PKIG: variants seen among roughly 807,000 people sequenced by gnomAD.
PKIG encodes protein kinase (cAMP-dependent, catalytic) inhibitor gamma.
A neutral mutation model predicts 6.8 loss-of-function variants in PKIG; 1 was observed. The observed-to-expected ratio is 0.15, with a 90% CI of 0.05 to 0.69. PKIG has a LOEUF of 0.69. Among genes scored for constraint, PKIG ranks in the 30% least tolerant of loss-of-function variants. The pLI, the probability that PKIG is intolerant of heterozygous loss-of-function variation, is 0.82. For synonymous variants in PKIG, 39 were observed against 43.0 expected, an observed-to-expected ratio of 0.91 and a Z score of 0.36; for missense variants, 77 against 104.0, an observed-to-expected ratio of 0.74 and a Z score of 1.13.
intron 1 of PKIG, among the ~76,000 whole-genome samples, chr20:44,585,417 A>C (rs2064981952): frequency 6.6e-6 from 1 of 152,218 alleles, no homozygotes; most frequent in South Asian, 2.1e-4. Flanking sequence ...AATGTCACAC[A>C]CAGGGCTGGG....
At chr20:44,597,373 T>C (rs1172185833) in intron 2 of PKIG, among the ~76,000 whole-genome samples, 1 of 152,170 alleles carries the variant, frequency 6.6e-6, no homozygotes, top group African/African-American at 2.4e-5. Flanking sequence ...GCTTATGAAC[T>C]GAGCTCCCTA....
chr20:44,576,517 G>T (rs1279282303), intron 1 of PKIG, among the ~76,000 whole-genome samples: 1 of 152,128 alleles, frequency 6.6e-6, no homozygotes, highest in Non-Finnish European at 1.5e-5. Context: ...CTTCAAATTT[G>T]TATGTCAAAG....
Position 44,614,793 on chromosome 20 carries a change from A to G in PKIG, c.151+86A>G, listed in dbSNP as rs773127768. 7 of 1,387,434 alleles carry G rather than the reference A, an allele frequency of 5.0e-6. No individual in the cohort carries two copies. Among genetic ancestry groups the G allele is most frequent in the Non-Finnish European group, 4.0e-6 (4 of 1,007,452 alleles). The allele number at this position is 1,387,434 out of a possible 1,614,324, so 85.9% of individuals were successfully genotyped here. On this transcript the variant is annotated intron_variant, in intron 3 of 3. Coordinates refer to ENST00000372886, the MANE Select transcript of PKIG (RefSeq NM_001281445.2). The surrounding 1 kb of genome is among the most constrained non-coding windows in gnomAD (Gnocchi z 4.6). ...CTAGCCTCCAAGTCCTAGACTGCCC[A>G]TACTTTCTTAGAGAAGAAACCACAT...
At chr20:44,563,939 G>A (rs1207301107) in intron 1 of PKIG, among the ~76,000 whole-genome samples, 6 of 152,130 alleles carry the variant, frequency 3.9e-5, no homozygotes, top group Admixed American at 2.0e-4. Flanking sequence ...TTATTTTGCT[G>A]ATCATGCTTT....
chr20:44,538,664 C>T (rs1470142286), intron 1 of PKIG, among the ~76,000 whole-genome samples: 1 of 152,080 alleles, frequency 6.6e-6, no homozygotes, highest in Admixed American at 6.5e-5. Context: ...TTTTTTCCTC[C>T]TCCTTTCCCC....
intron 1 of PKIG, among the ~76,000 whole-genome samples, chr20:44,558,889 C>T (rs2064743173): frequency 6.6e-6 from 1 of 152,090 alleles, no homozygotes; most frequent in African/African-American, 2.4e-5. Context: ...GTAGCTGGGA[C>T]TATAAATGCG....
intron 1 of PKIG, among the ~76,000 whole-genome samples, chr20:44,570,307 T>G (rs2064843971): frequency 6.6e-6 from 1 of 152,220 alleles, no homozygotes; most frequent in South Asian, 2.1e-4. Context: ...TTTCCTATGA[T>G]AAGTTGTATG....
chr20:44,549,738 T>A (rs2064650812), intron 1 of PKIG, among the ~76,000 whole-genome samples: 1 of 152,150 alleles, frequency 6.6e-6, no homozygotes, highest in Admixed American at 6.5e-5. Context: ...GGTGCGAAGA[T>A]GGCTTGAGCC....
upstream of PKIG, among the ~76,000 whole-genome samples, chr20:44,580,415 G>A (rs1027881776): frequency 2.6e-5 from 4 of 151,580 alleles, no homozygotes; most frequent in Non-Finnish European, 4.4e-5. Context: ...GTGCAATCTC[G>A]GCTCACTGCA....
chr20:44,608,556 A>G (rs1364946082), intron 2 of PKIG, among the ~76,000 whole-genome samples: 1 of 152,190 alleles, frequency 6.6e-6, no homozygotes, highest in Non-Finnish European at 1.5e-5. Context: ...TAATCCCAAC[A>G]CTTTGGAAGT....
chr20:44,568,539 C>T (rs2064828898), intron 1 of PKIG, among the ~76,000 whole-genome samples: 1 of 152,080 alleles, frequency 6.6e-6, no homozygotes, highest in Admixed American at 6.6e-5. Context: ...CAACCTCTGC[C>T]GCCTGGTTTC....
chr20:44,579,445 A>G (rs963538527), upstream of PKIG, among the ~76,000 whole-genome samples: 1 of 152,248 alleles, frequency 6.6e-6, no homozygotes, highest in African/African-American at 2.4e-5. Flanking sequence ...GACTGGCACC[A>G]CATGGTCCCT....
chr20:44,607,928 C>T (rs2065181473), intron 2 of PKIG, among the ~76,000 whole-genome samples: 1 of 152,108 alleles, frequency 6.6e-6, no homozygotes. Flanking sequence ...TCGTGATCCA[C>T]ACCCACCCCC....
intron 1 of PKIG, among the ~76,000 whole-genome samples, chr20:44,556,087 C>T (rs1289850664): frequency 6.6e-6 from 1 of 152,196 alleles, no homozygotes; most frequent in Non-Finnish European, 1.5e-5. Flanking sequence ...GATTCACCCG[C>T]CTTGGCCTCC....
chr20:44,600,881 A>C (rs2065116131), intron 2 of PKIG, among the ~76,000 whole-genome samples: 1 of 152,098 alleles, frequency 6.6e-6, no homozygotes, highest in South Asian at 2.1e-4. Flanking sequence ...TGGGATAGCC[A>C]AATGACACGC....
intron 1 of PKIG, among the ~76,000 whole-genome samples, chr20:44,577,305 GT>G (rs1250761381): frequency 2.0e-5 from 3 of 151,570 alleles, no homozygotes; most frequent in Admixed American, 2.0e-4. Flanking sequence ...ATTTTTTTGT[GT>G]TTTTTTTAGT....
chr20:44,572,897 A>G (rs1419327363), intron 1 of PKIG, among the ~76,000 whole-genome samples: 2 of 152,124 alleles, frequency 1.3e-5, no homozygotes, highest in Non-Finnish European at 2.9e-5. Context: ...TCCCACCCCT[A>G]TGCAACCTGA....
chr20:44,540,798 TC>T (rs2064554840), intron 1 of PKIG, among the ~76,000 whole-genome samples: 1 of 152,112 alleles, frequency 6.6e-6, no homozygotes, highest in African/African-American at 2.4e-5. Context: ...GCCAGGCTGA[TC>T]TTGAACTCTT....
rs1006069663 is a variant in PKIG at position 44,614,899 on chromosome 20, G to T, written c.151+192G>T. The T allele has an allele frequency of 1.0e-5, 6 of 602,948 alleles. No individual in the cohort carries two copies. The highest frequency in any genetic ancestry group is 3.0e-5 in the Admixed American group (1 of 32,882). 37.3% of individuals were successfully genotyped at this position (602,948 alleles called of 1,614,324 possible). A position where few individuals can be genotyped will look rare whatever the true frequency, so the allele number is the denominator to read the frequency against. On this transcript the variant is annotated intron_variant, in intron 3 of 3. Transcript: ENST00000372886. This position sits in a 1 kb window ranked among gnomAD's most constrained non-coding sequence, Gnocchi z 4.6. The stretch of plus-strand genomic sequence containing the variant: ...AGATGTTTGAGTCTCAGGCCCCAAG[G>T]ACTCCTCTGGACAGGCATCCGGGAC...
Sources: allele counts gnomAD v4.1 joint callset (sites outside exome capture counted in the v4.1 genomes callset), GRCh38; gene constraint gnomAD v4.1.1; non-coding constraint Gnocchi (gnomAD v3.1); transcripts MANE v1.5; gene names NCBI Gene and HGNC (gene_info 2026-07-23, HGNC 2026-07-21).